Variants in LANCL2 observed in about 807,000 individuals in gnomAD.
LANCL2 encodes the protein lanC-like protein 2.
A neutral mutation model predicts 56.9 loss-of-function variants in LANCL2; 33 were observed. That is an observed-to-expected ratio of 0.58 (90% CI 0.44 to 0.78). The LOEUF (loss-of-function observed/expected upper bound fraction) is 0.78. Among genes scored for constraint, LANCL2 ranks in the 30% least tolerant of loss-of-function variants. LANCL2 has a pLI of 0.00. For missense variants in LANCL2, 562 were observed against 580.2 expected (o/e 0.97, Z 0.32); for synonymous variants, 233 against 228.2 (o/e 1.02, Z -0.19).
intron 1 of LANCL2, among the ~76,000 whole-genome samples, chr7:55,386,188 T>C (rs1790123711): frequency 6.6e-6 from 1 of 152,194 alleles, no homozygotes; most frequent in African/African-American, 2.4e-5. Context: ...TATACATCCT[T>C]CTCGGCTGAC....
intron 1 of LANCL2, among the ~76,000 whole-genome samples, chr7:55,371,480 T>C (rs967547524): frequency 1.3e-5 from 2 of 152,224 alleles, no homozygotes; most frequent in Non-Finnish European, 2.9e-5. Context: ...CCAGCTCATA[T>C]GCTGCTGTTT....
chr7:55,429,133 G>C (rs982514156), intron 8 of LANCL2, among the ~76,000 whole-genome samples: 1 of 152,188 alleles, frequency 6.6e-6, no homozygotes, highest in African/African-American at 2.4e-5. Flanking sequence ...TTCCTGTCTT[G>C]TGCTGTCTTT....
rs184312267 is a variant in LANCL2, at chr7:55,385,215, G to A, written c.205-6578G>A. Among the ~76,000 whole-genome samples the A allele has an allele frequency of 1.1e-4, 16 of 152,268 alleles. No homozygotes were observed. In the East Asian group the frequency reaches 2.7e-3, roughly 26 times the overall value. ...AAAAAAAGTAACAGAGGTGATACCTGATGAAAACTGTCGTGGGTGAGTGGC... is the reference window on the plus strand; with the variant it reads ...AAAAAAAGTAACAGAGGTGATACCTAATGAAAACTGTCGTGGGTGAGTGGC... On this transcript the variant is annotated intron_variant, in intron 1 of 8. Coordinates refer to ENST00000254770, the MANE Select transcript of LANCL2 (RefSeq NM_018697.4).
At chr7:55,387,785 C>T (rs1174785844) in intron 1 of LANCL2, among the ~76,000 whole-genome samples, 1 of 152,086 alleles carries the variant, frequency 6.6e-6, no homozygotes, top group East Asian at 1.9e-4. Context: ...TGGACTTTGA[C>T]TTGTTCTAAA....
intron 6 of LANCL2, among the ~76,000 whole-genome samples, chr7:55,424,010 A>G (rs1790635963): frequency 6.6e-6 from 1 of 152,146 alleles, no homozygotes; most frequent in African/African-American, 2.4e-5. Flanking sequence ...CTTTTTCCTG[A>G]GGCCTCAGAG....
In LANCL2 at chr7:55,365,856, C is replaced by A. The variant is rs748420704; in HGVS notation, c.-170C>A. The A allele has an allele frequency of 1.5e-5, 7 of 481,292 alleles. No individual in the cohort carries two copies. The highest frequency in any genetic ancestry group is 2.2e-5 in the Non-Finnish European group (6 of 278,162). 29.8% of individuals were successfully genotyped at this position (481,292 alleles called of 1,614,324 possible). ...TGCGGCCGCCTGATGTGCGAGCAGCCCGCGACGAGGCAGTGCACGCTCAGA... is the reference window on the plus strand; with the variant it reads ...TGCGGCCGCCTGATGTGCGAGCAGCACGCGACGAGGCAGTGCACGCTCAGA... On this transcript the variant is annotated 5_prime_UTR_variant, in exon 1 of 9. Coordinates refer to ENST00000254770, the MANE Select transcript of LANCL2 (RefSeq NM_018697.4).
In LANCL2 at chr7:55,406,019, G is replaced by T. The variant is rs536206191; in HGVS notation, c.825+4699G>T. Among the ~76,000 whole-genome samples the T allele has an allele frequency of 7.2e-5, 11 of 152,338 alleles. No individual in the cohort carries two copies. The South Asian group carries it at 2.3e-3, about 32-fold the overall frequency. ...GCTTTGTTTCTCATACAGGGTTACA[G>T]CCTGCAGCTAATCATACGTAGCCTT... On this transcript the variant is annotated intron_variant, in intron 5 of 8. Coordinates refer to ENST00000254770, the MANE Select transcript of LANCL2 (RefSeq NM_018697.4).
At chr7:55,378,413 A>T (rs1042240936) in intron 1 of LANCL2, among the ~76,000 whole-genome samples, 2 of 152,106 alleles carry the variant, frequency 1.3e-5, no homozygotes, top group Non-Finnish European at 2.9e-5. Context: ...GTGAGCTGAG[A>T]TCACACCACT....
intron 6 of LANCL2, among the ~76,000 whole-genome samples, chr7:55,414,020 G>T (rs1018572622): frequency 6.6e-6 from 1 of 152,134 alleles, no homozygotes; most frequent in African/African-American, 2.4e-5. Flanking sequence ...ATTACACATT[G>T]TATGCATGTA....
At chr7:55,400,446 C>G (rs1006587447) in intron 4 of LANCL2, among the ~76,000 whole-genome samples, 6 of 152,186 alleles carry the variant, frequency 3.9e-5, no homozygotes, top group Non-Finnish European at 7.3e-5. Flanking sequence ...CTGCCTTATC[C>G]TAGGGGCATA....
At chr7:55,427,158 AAGTT>A (rs1475775866) in intron 7 of LANCL2, among the ~76,000 whole-genome samples, 1 of 152,166 alleles carries the variant, frequency 6.6e-6, no homozygotes, top group Non-Finnish European at 1.5e-5. Context: ...AGGCCAGAGA[AAGTT>A]AGTTCTTCCC....
At chr7:55,430,900 G>A (rs533727009) in intron 8 of LANCL2, among the ~76,000 whole-genome samples, 4 of 152,330 alleles carry the variant, frequency 2.6e-5, no homozygotes, top group Admixed American at 2.6e-4. Flanking sequence ...GCTCTGAGGG[G>A]AAGCTCCGTG....
chr7:55,369,862 A>G (rs1472974907), intron 1 of LANCL2, among the ~76,000 whole-genome samples: 1 of 152,224 alleles, frequency 6.6e-6, no homozygotes, highest in African/African-American at 2.4e-5. Flanking sequence ...GAGTGTAGGA[A>G]TAGCAGACAG....
chr7:55,413,849 G>A (rs188345860), intron 6 of LANCL2, among the ~76,000 whole-genome samples: 12 of 152,294 alleles, frequency 7.9e-5, no homozygotes, highest in African/African-American at 2.4e-4. Flanking sequence ...CATGAGGAAC[G>A]AGGAGGAATA....
At chr7:55,428,726 T>C (rs568805383) in intron 8 of LANCL2, among the ~76,000 whole-genome samples, 1 of 152,258 alleles carries the variant, frequency 6.6e-6, no homozygotes, top group East Asian at 1.9e-4. Context: ...GAAGAAATAG[T>C]TTACTCCTCT....
intron 7 of LANCL2, among the ~76,000 whole-genome samples, chr7:55,426,801 GA>G (rs1170130636): frequency 6.6e-6 from 1 of 152,244 alleles, no homozygotes; most frequent in African/African-American, 2.4e-5. Flanking sequence ...GAGCACGGGG[GA>G]TGGGGCAAAA....
chr7:55,366,237 G>A lies in LANCL2; in HGVS notation c.204+8G>A. ...TTTCATCAGGACGGGAAGGTGAGTC[G>A]GCGGCCTGGCCGCAGAGGCGCCGGA... On this transcript the variant is annotated splice_region_variant and intron_variant, in intron 1 of 8. Coordinates refer to ENST00000254770, the MANE Select transcript of LANCL2 (RefSeq NM_018697.4). 1.3e-6 allele frequency: 2 copies of A among 1,485,008 alleles called. No individual in the cohort carries two copies. The highest frequency in any genetic ancestry group is 2.4e-5 in the Admixed American group (1 of 42,520). 92.0% of individuals were successfully genotyped at this position (1,485,008 alleles called of 1,614,324 possible). A position where few individuals can be genotyped will look rare whatever the true frequency, so the allele number is the denominator to read the frequency against.
intron 4 of LANCL2, 66 bp from the exon 5 acceptor site, chr7:55,401,108 T>C (rs1790317318): frequency 7.2e-7 from 1 of 1,387,894 alleles, no homozygotes; most frequent in African/African-American, 1.4e-5. Context: ...TATGACATAC[T>C]GTTAATTAGA....
At chr7:55,414,087 AG>A (rs1394159529) in intron 6 of LANCL2, among the ~76,000 whole-genome samples, 1 of 152,238 alleles carries the variant, frequency 6.6e-6, no homozygotes, top group African/African-American at 2.4e-5. Flanking sequence ...AAATTTAAAA[AG>A]GAAAAAGCAT....
Sources: gnomAD v4.1 joint callset for allele counts (sites outside exome capture counted in the v4.1 genomes callset) on GRCh38, gnomAD v4.1.1 for gene constraint, MANE v1.5 for transcripts, NCBI Gene and HGNC (gene_info 2026-07-23, HGNC 2026-07-21) for gene names.